Variants in DDX4 observed in about 807,000 individuals in gnomAD.
DDX4 encodes DEAD-box helicase 4, also known as probable ATP-dependent RNA helicase DDX4.
A neutral mutation model predicts 100.0 loss-of-function variants in DDX4; 25 were observed. That is an observed-to-expected ratio of 0.25 (90% confidence interval 0.18 to 0.35). The LOEUF (loss-of-function observed/expected upper bound fraction) is 0.35. Among genes scored for constraint, DDX4 ranks in the 10% least tolerant of loss-of-function variants. DDX4 has a pLI of 1.00. For synonymous variants in DDX4, 259 were observed against 275.7 expected (o/e 0.94, Z 0.60); for missense variants, 635 against 882.4 (o/e 0.72, Z 3.55).
At chr5:55,795,298 T>G (rs572756339) in intron 17 of DDX4, among the ~76,000 whole-genome samples, 220 of 152,308 alleles carry the variant, frequency 1.4e-3, no homozygotes, top group Admixed American at 4.0e-3. Context: ...GGGGTGTTTG[T>G]TCTCCCAGAT....
At chr5:55,738,376 G>A (rs1232401730) in intron 1 of DDX4, 1 of 154,444 alleles carries the variant, frequency 6.5e-6, no homozygotes, top group Non-Finnish European at 1.4e-5. Flanking sequence ...CCTTCTTGAT[G>A]AAGCTGGTTG....
chr5:55,763,378 CT>C, intron 5 of DDX4, 126 bp downstream of exon 5: 1 of 653,302 alleles, frequency 1.5e-6, no homozygotes, highest in Non-Finnish European at 2.7e-6. Flanking sequence ...CTGTGAGTGC[CT>C]TTGCACTAAA....
intron 16 of DDX4, among the ~76,000 whole-genome samples, chr5:55,791,702 C>T (rs1742573193): frequency 1.3e-5 from 2 of 152,182 alleles, no homozygotes; most frequent in South Asian, 4.1e-4. Context: ...ACAGTAACCA[C>T]TAGCCACATG....
At chr5:55,804,793 C>G (rs1425970775) in intron 18 of DDX4, among the ~76,000 whole-genome samples, 1 of 152,064 alleles carries the variant, frequency 6.6e-6, no homozygotes, top group Non-Finnish European at 1.5e-5. Context: ...TTAGGATTGA[C>G]TTGGCGATGC....
rs192766644 is a variant in DDX4 at position 55,787,162 on chromosome 5, C to T, written c.1017+492C>T. Among the ~76,000 whole-genome samples the T allele has an allele frequency of 1.8e-3, 280 of 152,258 alleles. 1 individual carries two copies. The highest frequency in any genetic ancestry group is 6.5e-3 in the African/African-American group (271 of 41,566). Reference sequence around the variant, plus strand: ...TCTGGGAGATTTGTGTGTTAATTAACGACTCCATAAGATGAGACTCTTATT... The same window carrying T: ...TCTGGGAGATTTGTGTGTTAATTAATGACTCCATAAGATGAGACTCTTATT... On this transcript the variant is annotated intron_variant, in intron 14 of 21. Transcript: ENST00000505374.
chr5:55,759,559 A>G (rs1760173512), intron 3 of DDX4, among the ~76,000 whole-genome samples: 1 of 152,196 alleles, frequency 6.6e-6, no homozygotes, highest in Non-Finnish European at 1.5e-5. Context: ...CCATTGTTGA[A>G]GAATGTGAGC....
intron 3 of DDX4, among the ~76,000 whole-genome samples, chr5:55,748,128 A>G (rs1490506598): frequency 2.0e-5 from 3 of 152,232 alleles, no homozygotes; most frequent in East Asian, 1.9e-4. Flanking sequence ...TGCTATTTTC[A>G]AAATATGTTT....
At chr5:55,765,711 GACTATATCT>G (rs1740875193) in intron 6 of DDX4, among the ~76,000 whole-genome samples, 1 of 151,974 alleles carries the variant, frequency 6.6e-6, no homozygotes, top group Admixed American at 6.6e-5. Context: ...GTATAATGAT[GACTATATCT>G]ACTTCACAAG....
chr5:55,773,864 T>C (rs1383387349), intron 7 of DDX4, among the ~76,000 whole-genome samples: 2 of 152,170 alleles, frequency 1.3e-5, no homozygotes, highest in East Asian at 3.9e-4. Context: ...GTTCAAGCAA[T>C]CTGCCTGCCT....
At chr5:55,782,596 A>G (rs1301355645) in intron 10 of DDX4, among the ~76,000 whole-genome samples, 1 of 151,882 alleles carries the variant, frequency 6.6e-6, no homozygotes, top group Non-Finnish European at 1.5e-5. Flanking sequence ...GACTGTCACC[A>G]GTTTTTTGTT....
At chr5:55,774,181 G>A (rs149102496) in intron 7 of DDX4, among the ~76,000 whole-genome samples, 290 of 147,510 alleles carry the variant, frequency 2.0e-3, no homozygotes, top group African/African-American at 5.2e-3. Context: ...ACAGAGTCTC[G>A]CTCTGTCACC....
chr5:55,767,073 A>G, intron 6 of DDX4: 4 of 1,385,728 alleles, frequency 2.9e-6, no homozygotes, highest in Non-Finnish European at 2.8e-6. Context: ...GATATCCCCA[A>G]ATTATTTCAT....
intron 7 of DDX4, among the ~76,000 whole-genome samples, chr5:55,768,989 T>G (rs1318431665): frequency 6.6e-6 from 1 of 152,128 alleles, no homozygotes; most frequent in Non-Finnish European, 1.5e-5. Context: ...TGCTTGTACA[T>G]TTAATTTCCT....
intron 4 of DDX4, among the ~76,000 whole-genome samples, chr5:55,760,749 T>C (rs1279381741): frequency 6.6e-6 from 1 of 152,220 alleles, no homozygotes; most frequent in Non-Finnish European, 1.5e-5. Flanking sequence ...AATTTTACTT[T>C]TAGAACAACC....
intron 10 of DDX4, 84 bp downstream of exon 10, chr5:55,782,065 A>T: frequency 6.7e-7 from 1 of 1,494,152 alleles, no homozygotes; most frequent in Non-Finnish European, 9.2e-7. Flanking sequence ...ACTGGTTGGA[A>T]ACAAATTTAA....
At chr5:55,774,192 C>T (rs1741422622) in intron 7 of DDX4, among the ~76,000 whole-genome samples, 1 of 151,480 alleles carries the variant, frequency 6.6e-6, no homozygotes, top group East Asian at 1.9e-4. Context: ...CTCTGTCACC[C>T]AGACTCTGGG....
rs139779770 is a variant in DDX4 at position 55,782,452 on chromosome 5, G to A, written c.625+471G>A. On this transcript the variant is annotated intron_variant, in intron 10 of 21. Coordinates refer to ENST00000505374, the MANE Select transcript of DDX4 (RefSeq NM_024415.3). Reference sequence around the variant, plus strand: ...CCCGTCTCTACTAAAACAAAACTTAGCTGGGCATGGTGGTGTGTGCCTGTA... The same window carrying A: ...CCCGTCTCTACTAAAACAAAACTTAACTGGGCATGGTGGTGTGTGCCTGTA... The A allele has an allele frequency of 3.0e-3, 472 of 156,652 alleles. 3 individuals are homozygous for A. The highest frequency in any genetic ancestry group is 4.0e-3 in the Non-Finnish European group (284 of 70,648). 9.7% of individuals were successfully genotyped at this position (156,652 alleles called of 1,614,324 possible). A position where few individuals can be genotyped will look rare whatever the true frequency, so the allele number is the denominator to read the frequency against.
chr5:55,746,232 T>TG lies in DDX4; in HGVS notation c.127+14dup. On this transcript the variant is annotated intron_variant, in intron 3 of 21. Transcript: ENST00000505374. ...CAGCTTCATCATCAGGTATGTGTTA[T>TG]GGGAAAAAGGTAAAACCCTTTTTAG... 3.7e-6 allele frequency: 6 copies of TG among 1,605,744 alleles called. No individual in the cohort carries two copies. The highest frequency in any genetic ancestry group is 5.1e-6 in the Non-Finnish European group (6 of 1,177,044).
intron 18 of DDX4, among the ~76,000 whole-genome samples, chr5:55,812,885 T>C (rs1744196686): frequency 6.6e-6 from 1 of 151,648 alleles, no homozygotes; most frequent in Non-Finnish European, 1.5e-5. Context: ...AACAGAAACA[T>C]GACAGGCATC....
Sources: gnomAD v4.1 joint callset for allele counts (sites outside exome capture counted in the v4.1 genomes callset) on GRCh38, gnomAD v4.1.1 for gene constraint, MANE v1.5 for transcripts, NCBI Gene and HGNC (gene_info 2026-07-23, HGNC 2026-07-21) for gene names.